The following RARB variants were observed in gnomAD, a reference collection of about 807,000 sequenced individuals.
The protein encoded by RARB is retinoic acid receptor beta.
Under a neutral mutation model 51.9 loss-of-function variants are expected in RARB, and 17 were observed. The observed-to-expected ratio is 0.33, with a 90% confidence interval of 0.22 to 0.49. The LOEUF is 0.49. RARB is among the 20% of genes least tolerant of loss of function. The probability of loss-of-function intolerance (pLI) is 0.99; values close to 1 mark genes in which losing one functional copy is unlikely to be tolerated. For missense variants in RARB, 369 were observed against 550.8 expected, an observed-to-expected ratio of 0.67 and a Z score of 3.30; for synonymous variants, 215 against 195.4, an observed-to-expected ratio of 1.10 and a Z score of -0.84.
chr3:25,444,184 C>T (rs1299793134), intron 1 of RARB, among the ~76,000 whole-genome samples: 1 of 152,158 alleles, frequency 6.6e-6, no homozygotes, highest in East Asian at 1.9e-4. Flanking sequence ...TTTGCAGACG[C>T]AGATTCCTAG....
intron 2 of RARB, among the ~76,000 whole-genome samples, chr3:24,964,537 A>C (rs1575094611): frequency 6.6e-6 from 1 of 152,310 alleles, no homozygotes; most frequent in African/African-American, 2.4e-5. Context: ...TAGATCCTGA[A>C]AGCACACCCA....
chr3:25,364,338 G>A (rs2125466373), intron 5 of RARB, among the ~76,000 whole-genome samples: 1 of 152,274 alleles, frequency 6.6e-6, no homozygotes, highest in South Asian at 2.1e-4. Flanking sequence ...AAATGGAGGT[G>A]GTAAGCAATT....
intron 2 of RARB, among the ~76,000 whole-genome samples, chr3:24,937,960 G>A (rs189088226): frequency 6.6e-6 from 1 of 152,302 alleles, no homozygotes; most frequent in East Asian, 1.9e-4. Flanking sequence ...AAGGGTGACT[G>A]TATTTACTGA....
intron 3 of RARB, among the ~76,000 whole-genome samples, chr3:25,546,697 C>T (rs998164561): frequency 4.6e-5 from 7 of 151,770 alleles, no homozygotes; most frequent in South Asian, 2.1e-4. Flanking sequence ...TTGGAAAGTA[C>T]GGAAATTTGC....
chr3:25,020,123 T>G (rs1697599215), intron 2 of RARB: 2 of 37,842 alleles, frequency 5.3e-5, no homozygotes, highest in African/African-American at 5.4e-4. Flanking sequence ...TTATTATTAT[T>G]ATTATTATTA....
chr3:25,333,648 A>T (rs1704972080), intron 5 of RARB, among the ~76,000 whole-genome samples: 1 of 152,260 alleles, frequency 6.6e-6, no homozygotes, highest in Non-Finnish European at 1.5e-5. Flanking sequence ...CACCAAAAGC[A>T]ATGGCAACAA....
chr3:25,369,854 A>G (rs961703774), intron 5 of RARB, among the ~76,000 whole-genome samples: 1 of 152,114 alleles, frequency 6.6e-6, no homozygotes, highest in African/African-American at 2.4e-5. Flanking sequence ...CCCGGGAGGC[A>G]GAGTTTGCAG....
chr3:25,465,312 T>C (rs1695376899), intron 2 of RARB, among the ~76,000 whole-genome samples: 1 of 152,176 alleles, frequency 6.6e-6, no homozygotes, highest in Admixed American at 6.5e-5. Context: ...TGTGGTATCA[T>C]TTTAGGATAC....
At chr3:25,553,154 CTTT>C (rs10710993) in intron 3 of RARB, among the ~76,000 whole-genome samples, 2 of 140,666 alleles carry the variant, frequency 1.4e-5, no homozygotes. Context: ...CCATCTTTTG[CTTT>C]TTTTTTTTTT....
intron 5 of RARB, among the ~76,000 whole-genome samples, chr3:25,405,678 T>G (rs1707386370): frequency 6.6e-6 from 1 of 152,264 alleles, no homozygotes; most frequent in African/African-American, 2.4e-5. Context: ...AAAATTCTGT[T>G]GTTCAGTCAT....
intron 2 of RARB, among the ~76,000 whole-genome samples, chr3:24,928,170 A>G (rs1320457557): frequency 1.3e-5 from 2 of 152,024 alleles, no homozygotes; most frequent in African/African-American, 2.4e-5. Flanking sequence ...GTCAGCAGGT[A>G]TAAAGTCAAT....
At chr3:25,547,909 A>G (rs964278455) in intron 3 of RARB, among the ~76,000 whole-genome samples, 3 of 152,142 alleles carry the variant, frequency 2.0e-5, no homozygotes, top group Non-Finnish European at 4.4e-5. Context: ...CTTTTTTCTC[A>G]GGTGAAATAC....
intron 3 of RARB, among the ~76,000 whole-genome samples, chr3:25,073,554 G>C (rs894608543): frequency 6.6e-6 from 1 of 152,112 alleles, no homozygotes; most frequent in African/African-American, 2.4e-5. Flanking sequence ...TTACTTATAA[G>C]GTAAACCTCT....
At chr3:25,017,690 A>T (rs1697542396) in intron 2 of RARB, among the ~76,000 whole-genome samples, 1 of 152,202 alleles carries the variant, frequency 6.6e-6, no homozygotes, top group African/African-American at 2.4e-5. Context: ...ACTAAAAGGA[A>T]CTTTTAATGA....
chr3:25,295,075 T>TA (rs1703885654), intron 5 of RARB, among the ~76,000 whole-genome samples: 2 of 152,338 alleles, frequency 1.3e-5, no homozygotes, highest in African/African-American at 4.8e-5. Context: ...GACTATGTGT[T>TA]ACCACTTACC....
At chr3:25,185,136 C>T (rs569505137) in intron 5 of RARB, among the ~76,000 whole-genome samples, 1 of 152,048 alleles carries the variant, frequency 6.6e-6, no homozygotes, top group African/African-American at 2.4e-5. Flanking sequence ...AGAGCTTATA[C>T]CCTGCCAAGA....
Position 25,507,549 on chromosome 3 carries a change from C to G in RARB, c.448+6226C>G, listed in dbSNP as rs540745059. Among the ~76,000 whole-genome samples the G allele has an allele frequency of 3.3e-5, 5 of 152,262 alleles. No individual in the cohort carries two copies. In the South Asian group the frequency reaches 1.0e-3, roughly 32 times the overall value. On this transcript the variant is annotated intron_variant, in intron 3 of 7. Transcript: ENST00000330688. ...AGCTGCTTCCTCTTCCCAGTTCCCT[C>G]CCCCAGAAGACATTAGATCTTCTAG...
At chr3:24,979,413 G>A (rs975212255) in intron 2 of RARB, among the ~76,000 whole-genome samples, 7 of 152,060 alleles carry the variant, frequency 4.6e-5, no homozygotes, top group African/African-American at 9.7e-5. Flanking sequence ...TTATGAATCC[G>A]GATGCTCTTG....
chr3:25,515,761 G>A (rs1698133236), intron 3 of RARB, among the ~76,000 whole-genome samples: 1 of 152,126 alleles, frequency 6.6e-6, no homozygotes, highest in Non-Finnish European at 1.5e-5. Flanking sequence ...CAGAAAGGAG[G>A]TATTGACTCA....
Sources: gnomAD v4.1 joint callset for allele counts (sites outside exome capture counted in the v4.1 genomes callset) on GRCh38, gnomAD v4.1.1 for gene constraint, MANE v1.5 for transcripts, NCBI Gene and HGNC (gene_info 2026-07-23, HGNC 2026-07-21) for gene names.